The following AHRR variants were observed in gnomAD, a reference collection of about 807,000 sequenced individuals.
AHRR encodes ahR repressor.
A neutral mutation model predicts 44.0 loss-of-function variants in AHRR; 28 were observed. That is an observed-to-expected ratio of 0.64 (90% confidence interval 0.47 to 0.87). The LOEUF is 0.87. Among genes scored for constraint, AHRR ranks in the 40% least tolerant of loss-of-function variants. The pLI, the probability that AHRR is intolerant of heterozygous loss-of-function variation, is 0.00. For missense variants in AHRR, 990 were observed against 953.9 expected (o/e 1.04, Z -0.50); for synonymous variants, 434 against 407.0 (o/e 1.07, Z -0.80).
chr5:351,300 A>G (rs1742850243), intron 2 of AHRR, among the ~76,000 whole-genome samples: 1 of 152,230 alleles, frequency 6.6e-6, no homozygotes, highest in Non-Finnish European at 1.5e-5. Context: ...AATCTTCTAG[A>G]TGAGTGTTCA....
intron 5 of AHRR, chr5:420,962 G>A: frequency 4.3e-6 from 1 of 232,524 alleles, no homozygotes; most frequent in East Asian, 9.4e-5. Context: ...ACATACGCTG[G>A]CACCGCTGAA....
At chr5:348,070 G>GC (rs927868919) in intron 2 of AHRR, among the ~76,000 whole-genome samples, 1 of 152,258 alleles carries the variant, frequency 6.6e-6, no homozygotes, top group Admixed American at 6.5e-5. Flanking sequence ...AGCACTGAGT[G>GC]CAGGGGGCAG....
At chr5:398,487 C>T (rs891554917) in intron 4 of AHRR, among the ~76,000 whole-genome samples, 3 of 152,200 alleles carry the variant, frequency 2.0e-5, no homozygotes, top group African/African-American at 7.2e-5. Flanking sequence ...GCCGGGTGCA[C>T]AGAGTTCTAT....
At chr5:394,178 A>G (rs975889812) in intron 4 of AHRR, among the ~76,000 whole-genome samples, 1 of 152,192 alleles carries the variant, frequency 6.6e-6, no homozygotes, top group Non-Finnish European at 1.5e-5. Context: ...AGGCCCTACA[A>G]GGAGCCTCCA....
At chr5:407,197 C>G (rs774354451) in intron 4 of AHRR, among the ~76,000 whole-genome samples, 44 of 152,192 alleles carry the variant, frequency 2.9e-4, no homozygotes, top group Non-Finnish European at 5.3e-4. Context: ...AACCTGCCAG[C>G]TGCGTAATCA....
At chr5:345,550 ATGTG>A (rs1256858402) in intron 2 of AHRR, among the ~76,000 whole-genome samples, 6 of 48,648 alleles carry the variant, frequency 1.2e-4, no homozygotes, top group Non-Finnish European at 2.1e-4. Context: ...GTGTGTGGGG[ATGTG>A]TGTGTGGGGA....
At chr5:359,592 TC>T (rs1375913684) in intron 3 of AHRR, among the ~76,000 whole-genome samples, 3 of 152,220 alleles carry the variant, frequency 2.0e-5, no homozygotes, top group Non-Finnish European at 4.4e-5. Context: ...CTGGGGATTT[TC>T]CTGTCAGGAT....
At chr5:334,042 C>T (rs1300602711) in intron 1 of AHRR, among the ~76,000 whole-genome samples, 1 of 152,096 alleles carries the variant, frequency 6.6e-6, no homozygotes, top group Non-Finnish European at 1.5e-5. Context: ...GAATATGTCA[C>T]CTTATTCTCT....
intron 3 of AHRR, among the ~76,000 whole-genome samples, chr5:356,275 A>G (rs1743042904): frequency 6.6e-6 from 1 of 152,186 alleles, no homozygotes; most frequent in African/African-American, 2.4e-5. Context: ...GCTGCGGGGC[A>G]TGGAGGGGAG....
intron 4 of AHRR, among the ~76,000 whole-genome samples, chr5:409,944 G>C (rs958502950): frequency 5.9e-5 from 9 of 152,116 alleles, no homozygotes; most frequent in African/African-American, 2.2e-4. Context: ...GTTAATTTGT[G>C]TGTGGCGTGA....
rs1736112777 is a variant in AHRR, at chr5:421,415, C to T, written c.442-1314C>T. Reference sequence around the variant, plus strand: ...ACGGAGGGCGGCCCGGACTCAGAGGCACAGGCAGAAGCAGCCTCGCGGGTG... The same window carrying T: ...ACGGAGGGCGGCCCGGACTCAGAGGTACAGGCAGAAGCAGCCTCGCGGGTG... On this transcript the variant is annotated intron_variant, in intron 5 of 10. Coordinates refer to ENST00000684583, the MANE Select transcript of AHRR (RefSeq NM_001377236.1). 7.1e-6 allele frequency: 4 copies of T among 561,570 alleles called. No individual in the cohort carries two copies. In the Admixed American group the frequency reaches 1.3e-4, roughly 18 times the overall value. The allele number at this position is 561,570 out of a possible 1,614,324, so 34.8% of individuals were successfully genotyped here. A position where few individuals can be genotyped will look rare whatever the true frequency, so the allele number is the denominator to read the frequency against.
intron 4 of AHRR, among the ~76,000 whole-genome samples, chr5:396,669 A>T (rs1734718910): frequency 6.6e-6 from 1 of 152,148 alleles, no homozygotes; most frequent in African/African-American, 2.4e-5. Context: ...AGTCCATCAG[A>T]TGTATGTAAT....
chr5:389,410 G>A (rs537084565), intron 4 of AHRR, among the ~76,000 whole-genome samples: 22 of 152,334 alleles, frequency 1.4e-4, no homozygotes, highest in African/African-American at 5.3e-4. Flanking sequence ...TTCTCAAAGT[G>A]AATCAACGAC....
At chr5:349,437 G>A (rs1040130022) in intron 2 of AHRR, among the ~76,000 whole-genome samples, 4 of 151,998 alleles carry the variant, frequency 2.6e-5, no homozygotes, top group African/African-American at 9.7e-5. Context: ...AAAATTAGCC[G>A]GGCACGGTGG....
At chr5:376,491 G>T in intron 3 of AHRR, 119 bp from the exon 4 acceptor site, 2 of 40,116 alleles carry the variant, frequency 5.0e-5, no homozygotes, top group Non-Finnish European at 1.3e-4. Context: ...TGCAGCCCAG[G>T]CCAGATGTCA....
intron 5 of AHRR, among the ~76,000 whole-genome samples, chr5:414,518 C>T (rs1401109178): frequency 6.6e-6 from 1 of 152,074 alleles, no homozygotes; most frequent in East Asian, 1.9e-4. Flanking sequence ...GCCACTCCCA[C>T]AAAAATACCC....
intron 8 of AHRR, among the ~76,000 whole-genome samples, chr5:429,599 A>G (rs534433309): frequency 1.4e-3 from 214 of 152,166 alleles, no homozygotes; most frequent in Non-Finnish European, 2.5e-3. Context: ...CTGCAGGCCC[A>G]GGCCCTGGTA....
chr5:380,840 A>G (rs1733950834), intron 4 of AHRR, among the ~76,000 whole-genome samples: 1 of 152,240 alleles, frequency 6.6e-6, no homozygotes, highest in African/African-American at 2.4e-5. Context: ...TCACAGAGAC[A>G]GACAAGTTTC....
chr5:390,193 G>C (rs755862740), intron 4 of AHRR, among the ~76,000 whole-genome samples: 8 of 152,204 alleles, frequency 5.3e-5, no homozygotes, highest in Non-Finnish European at 1.2e-4. Flanking sequence ...AAATAACGAA[G>C]AGTGTGATTG....
Sources: allele counts gnomAD v4.1 joint callset (sites outside exome capture counted in the v4.1 genomes callset), GRCh38; gene constraint gnomAD v4.1.1; transcripts MANE v1.5; gene names NCBI Gene and HGNC (gene_info 2026-07-23, HGNC 2026-07-21).